The following NF1 variants were observed in gnomAD, a reference collection of about 807,000 sequenced individuals.
NF1 encodes the protein neurofibromin 1.
NF1 carries 122 observed loss-of-function variants against 325.7 expected under a neutral mutation model. The ratio of observed to expected loss-of-function variants is 0.37; its 90% confidence interval spans 0.32 to 0.44. The LOEUF is 0.44. Ranked by LOEUF, NF1 falls within the 20% of genes least tolerant of loss-of-function variation. The probability of loss-of-function intolerance (pLI) is 1.00; values close to 1 mark genes in which losing one functional copy is unlikely to be tolerated. For missense variants in NF1, 2,140 were observed against 3,415.4 expected (o/e 0.63, Z 9.31); for synonymous variants, 1,091 against 1,186.0 (o/e 0.92, Z 1.65).
intron 57 of NF1, among the ~76,000 whole-genome samples, chr17:31,363,536 A>C (rs1020864057): frequency 1.4e-5 from 2 of 146,628 alleles, no homozygotes; most frequent in Non-Finnish European, 3.0e-5. Flanking sequence ...TCCCAGGTTC[A>C]TGCCATTCTT....
In NF1 at chr17:31,169,905, CTGTT is replaced by C. The variant is rs786201874; in HGVS notation, c.499_502del (p.Cys167GlnfsTer10). 6.3e-7 allele frequency: 1 copy of C among 1,594,652 alleles called. No individual in the cohort carries two copies. Among genetic ancestry groups the C allele is most frequent in the Admixed American group, 1.7e-5 (1 of 59,450 alleles). On this transcript the variant is annotated frameshift_variant, in exon 5 of 58. Coordinates refer to ENST00000358273, the MANE Select transcript of NF1 (RefSeq NM_001042492.3). LOFTEE classifies it high-confidence loss of function. ...TTACTTTTTAGGTTACAGGAATTAA[CTGTT>C]TGTTCAGAAGACAATGTTGATGTTC... is the stretch of plus-strand genomic sequence containing the variant.
chr17:31,285,101 A>G (rs1280108045), intron 36 of NF1, among the ~76,000 whole-genome samples: 1 of 152,084 alleles, frequency 6.6e-6, no homozygotes, highest in African/African-American at 2.4e-5. Flanking sequence ...CCTGGGTGAC[A>G]GCATGAGACT....
At chr17:31,293,930 C>T (rs1376142418) in intron 36 of NF1, among the ~76,000 whole-genome samples, 2 of 152,064 alleles carry the variant, frequency 1.3e-5, no homozygotes, top group Non-Finnish European at 2.9e-5. Flanking sequence ...AGTTGGAGTT[C>T]CAGTGTGGTT....
rs2151553361 is a variant in NF1, at chr17:31,336,398, A to T, written c.6072A>T (p.Gly2024=). 6.2e-7 allele frequency: 1 copy of T among 1,614,108 alleles called. No homozygotes were observed. ...AAACCAGTGCAACAGGTGGCTTGGG[A>T]TCAATAAAAGCTGAGGTGATGGCAG... ...FIKTSATGGL[G]SIKAEVMADT... The change falls in exon 41 of 58, where the codon GGA becomes GGT. Residue 2024 remains glycine (G), a synonymous_variant. Transcript: ENST00000358273. The surrounding 1 kb of genome is among the most constrained non-coding windows in gnomAD (Gnocchi z 5.5).
chr17:31,243,141 C>T (rs775113844), intron 29 of NF1, among the ~76,000 whole-genome samples: 1 of 147,986 alleles, frequency 6.8e-6, no homozygotes, highest in African/African-American at 2.5e-5. Context: ...TCTTCTCTTC[C>T]CTTACTTTCC....
At chr17:31,313,935 T>C (rs2068956510) in intron 36 of NF1, 1 of 397,554 alleles carries the variant, frequency 2.5e-6, no homozygotes, top group Non-Finnish European at 4.4e-6. Flanking sequence ...AAATAAATTT[T>C]ATATAAAGCA....
Position 31,110,813 on chromosome 17 carries a change from G to A in NF1, c.60+15444G>A, listed in dbSNP as rs960019060. 2.6e-5 allele frequency among the ~76,000 whole-genome samples: 4 copies of A among 151,910 alleles called. No homozygotes were observed. In the South Asian group the frequency reaches 6.2e-4, roughly 24 times the overall value. On this transcript the variant is annotated intron_variant, in intron 1 of 57. Coordinates refer to ENST00000358273, the MANE Select transcript of NF1 (RefSeq NM_001042492.3). ...AAAAACACAACGTTGGTTGCTTAAG[G>A]TCTTTATTTGTAGTTTAATTAGAAA...
chr17:31,176,979 G>T (rs1408366139), intron 5 of NF1, among the ~76,000 whole-genome samples: 2 of 152,192 alleles, frequency 1.3e-5, no homozygotes, highest in African/African-American at 4.8e-5. Flanking sequence ...GATTGTCGTG[G>T]TTATGCGGGC....
At chr17:31,373,708 G>A (rs1051236653) in intron 57 of NF1, among the ~76,000 whole-genome samples, 1 of 152,138 alleles carries the variant, frequency 6.6e-6, no homozygotes, top group Non-Finnish European at 1.5e-5. Context: ...TATTTTTACT[G>A]TACCTTTTCT....
chr17:31,199,207 AGTG>A (rs2066484793), intron 8 of NF1, among the ~76,000 whole-genome samples: 1 of 151,942 alleles, frequency 6.6e-6, no homozygotes, highest in African/African-American at 2.4e-5. Flanking sequence ...TTTTGATGTC[AGTG>A]TTTACAGGTT....
intron 48 of NF1, among the ~76,000 whole-genome samples, chr17:31,343,733 A>G (rs1040040676): frequency 3.3e-5 from 5 of 152,064 alleles, no homozygotes; most frequent in Non-Finnish European, 7.4e-5. Flanking sequence ...AAGCAGAAGG[A>G]TCTCTTGAGC....
rs35130430 is a variant in NF1 at position 31,341,617 on chromosome 17, G to GTGTGTGTGTGTGTGTGTA, written c.7062+975_7062+976insGTGTGTGTGTGTGTATGT. Among the ~76,000 whole-genome samples, 331 of 148,372 alleles carry GTGTGTGTGTGTGTGTGTA rather than the reference G, an allele frequency of 2.2e-3. 2 individuals carry two copies. Among genetic ancestry groups the GTGTGTGTGTGTGTGTGTA allele is most frequent in the South Asian group, 7.8e-3 (36 of 4,602 alleles). ...AAAGTGTGTGTGTGTGTGTGTGTGT[G>GTGTGTGTGTGTGTGTGTA]TGTACACACATAAAATATGTAAAAT... On this transcript the variant is annotated intron_variant, in intron 47 of 57. Coordinates refer to ENST00000358273, the MANE Select transcript of NF1 (RefSeq NM_001042492.3).
Position 31,232,671 on chromosome 17 carries a change from A to T in NF1, c.3315-29A>T, listed in dbSNP as rs376178671. On this transcript the variant is annotated intron_variant, in intron 25 of 57. Transcript: ENST00000358273. ...CTTTCTAGTTGATACGGCCTTCACT[A>T]TGTAAAGGTCAGTCTTTTTATTTCT... 3 of 1,585,564 alleles carry T rather than the reference A, an allele frequency of 1.9e-6. No homozygotes were observed. In the South Asian group the frequency reaches 3.3e-5, roughly 18 times the overall value.
At chr17:31,360,861 T>C (rs1187898884) in intron 57 of NF1, 158 bp downstream of exon 57, 1 of 695,256 alleles carries the variant, frequency 1.4e-6, no homozygotes, top group Non-Finnish European at 2.6e-6. Context: ...ACTTTTGTTA[T>C]TCTATGAAGC....
intron 5 of NF1, among the ~76,000 whole-genome samples, chr17:31,179,355 T>G (rs1031950965): frequency 1.3e-5 from 2 of 152,144 alleles, no homozygotes; most frequent in African/African-American, 4.8e-5. Flanking sequence ...GGGATACATT[T>G]ATAGCAGTGT....
At chr17:31,180,561 ACT>A (rs1248134777) in intron 5 of NF1, among the ~76,000 whole-genome samples, 95 of 152,154 alleles carry the variant, frequency 6.2e-4, no homozygotes, top group African/African-American at 2.2e-3. Context: ...CATGCCAAAG[ACT>A]CTGAATAAAC....
chr17:31,206,110 T>A, intron 11 of NF1, 130 bp from the exon 12 acceptor site: 2 of 906,434 alleles, frequency 2.2e-6, no homozygotes, highest in Admixed American at 3.6e-5. Context: ...TTGGAAATCA[T>A]GGTGTGTGTT....
chr17:31,334,014 TG>T (rs1362642124), intron 39 of NF1, among the ~76,000 whole-genome samples: 1 of 152,068 alleles, frequency 6.6e-6, no homozygotes, highest in Non-Finnish European at 1.5e-5. Flanking sequence ...AGGCCAGGGG[TG>T]GTGGCTCACG....
chr17:31,259,267 T>C (rs2067643305), intron 33 of NF1, 138 bp downstream of exon 33: 1 of 588,946 alleles, frequency 1.7e-6, no homozygotes, highest in Non-Finnish European at 3.1e-6. Context: ...ACATAGCTTG[T>C]CTTATTTTAT....
Sources: allele counts gnomAD v4.1 joint callset (sites outside exome capture counted in the v4.1 genomes callset), GRCh38; gene constraint gnomAD v4.1.1; non-coding constraint Gnocchi (gnomAD v3.1); transcripts MANE v1.5; gene names NCBI Gene and HGNC (gene_info 2026-07-23, HGNC 2026-07-21).